MYH4: variants seen among roughly 807,000 people sequenced by gnomAD.
The protein encoded by MYH4 is myosin-4.
In MYH4, 200 loss-of-function variants were observed where a neutral mutation model predicts 229.9. That is an observed-to-expected ratio of 0.87 (90% confidence interval 0.78 to 0.98). The LOEUF (loss-of-function observed/expected upper bound fraction) is 0.98. Ranked by LOEUF, MYH4 falls within the 50% of genes least tolerant of loss-of-function variation. The probability of loss-of-function intolerance (pLI) is 0.00; values close to 1 mark genes in which losing one functional copy is unlikely to be tolerated. For missense variants in MYH4, 2,148 were observed against 2,332.6 expected, an observed-to-expected ratio of 0.92 and a Z score of 1.63; for synonymous variants, 761 against 834.6, an observed-to-expected ratio of 0.91 and a Z score of 1.52.
At chr17:10,448,209 TA>T in intron 33 of MYH4, 83 bp from the exon 34 acceptor site, 1 of 1,398,538 alleles carries the variant, frequency 7.2e-7, no homozygotes, top group Non-Finnish European at 9.6e-7. Flanking sequence ...AAGAAGGCAT[TA>T]AAAAACCCAT....
intron 30 of MYH4, among the ~76,000 whole-genome samples, chr17:10,449,966 C>T (rs544842605): frequency 1.1e-4 from 17 of 152,038 alleles, no homozygotes; most frequent in South Asian, 2.1e-4. Flanking sequence ...ACTTGTAGTC[C>T]GCAAACAGTA....
rs773154000 is a variant in MYH4 at position 10,444,887 on chromosome 17, C to G, written c.5479G>C (p.Glu1827Gln). The change falls in exon 38 of 40, where the codon GAA (glutamate) becomes CAA (glutamine). Residue 1827 changes from glutamate (E) to glutamine (Q), a missense_variant. By Grantham distance (29) the Glu-to-Gln change is conservative. Transcript: ENST00000255381. Reference protein sequence around the residue: ...QKLEARVRELESEVESEQKHN... With the variant: ...QKLEARVRELQSEVESEQKHN... ...TTCTGTTCACTTTCCACCTCACTTT[C>G]AAGCTCTCTCACCTGGAAGGGAACA... 1 of 1,614,140 alleles carries G rather than the reference C, an allele frequency of 6.2e-7. No homozygotes were observed. Among genetic ancestry groups the G allele is most frequent in the Non-Finnish European group, 8.5e-7 (1 of 1,180,024 alleles).
At chr17:10,445,186 G>T in intron 36 of MYH4, 40 bp from the exon 37 acceptor site, 1 of 1,614,168 alleles carries the variant, frequency 6.2e-7, no homozygotes, top group Non-Finnish European at 8.5e-7. Context: ...GAATTCTGAT[G>T]ATAGCAGGCA....
chr17:10,452,763 A>G (rs756073563), intron 25 of MYH4, 24 bp downstream of exon 25: 1 of 1,584,864 alleles, frequency 6.3e-7, no homozygotes, highest in South Asian at 1.2e-5. Flanking sequence ...CAAGCAGGTT[A>G]TAGCTGAATT....
At chr17:10,446,418 T>C (rs920096172) in intron 35 of MYH4, among the ~76,000 whole-genome samples, 10 of 152,192 alleles carry the variant, frequency 6.6e-5, no homozygotes, top group African/African-American at 2.4e-4. Context: ...GCCTATATTA[T>C]TTTTAAGTTG....
At chr17:10,456,363 C>T (rs1358758628) in intron 17 of MYH4, 122 bp downstream of exon 17, 1 of 793,902 alleles carries the variant, frequency 1.3e-6, no homozygotes, top group African/African-American at 1.7e-5. Context: ...TAGTAGTATA[C>T]TAAAAAGTAT....
In MYH4 at chr17:10,463,647, A is replaced by G; in HGVS notation, c.649-4T>C. 1.3e-6 allele frequency: 2 copies of G among 1,590,144 alleles called. No individual in the cohort carries two copies. The highest frequency in any genetic ancestry group is 1.7e-6 in the Non-Finnish European group (2 of 1,169,424). On this transcript the variant is annotated splice_region_variant and splice_polypyrimidine_tract_variant and intron_variant, in intron 7 of 39. Coordinates refer to ENST00000255381, the MANE Select transcript of MYH4 (RefSeq NM_017533.2). ...TGATTTGATCTTCAAGGGTCCCCTT[A>G]AGAGAAATGAATAAGACAGACAAAG...
At chr17:10,465,167 G>A (rs913132080) in intron 5 of MYH4, among the ~76,000 whole-genome samples, 5 of 152,118 alleles carry the variant, frequency 3.3e-5, no homozygotes, top group Non-Finnish European at 5.9e-5. Context: ...TAATTTTGAG[G>A]TGGAACTAGC....
chr17:10,448,215 A>C (rs2072533015), intron 33 of MYH4, 89 bp from the exon 34 acceptor site: 1 of 1,378,342 alleles, frequency 7.3e-7, no homozygotes, highest in Non-Finnish European at 9.7e-7. Context: ...GCATTAAAAA[A>C]CCCATAAACT....
intron 2 of MYH4, among the ~76,000 whole-genome samples, chr17:10,467,284 C>G (rs1169446170): frequency 6.6e-6 from 1 of 152,124 alleles, no homozygotes; most frequent in Non-Finnish European, 1.5e-5. Flanking sequence ...AATTGGATGT[C>G]AGATTTACTA....
rs755051377 is a variant in MYH4 at position 10,464,524 on chromosome 17, A to G, written c.596T>C (p.Ile199Thr). ...TTTTTTCTTCTCTCCAGTAACTGCA[A>G]TTGTTGCAAAGTACTGGATGACACG... is the stretch of plus-strand genomic sequence containing the variant. ...TKRVIQYFAT[I>T]AVTGEKKKEE... The change falls in exon 7 of 40, where the codon ATT becomes ACT. Residue 199 changes from isoleucine (I) to threonine (T), a missense_variant. Physicochemically the swap from Ile to Thr is moderately conservative, Grantham distance 89. Transcript: ENST00000255381. The G allele has an allele frequency of 3.7e-6, 6 of 1,613,992 alleles. No homozygotes were observed. Among genetic ancestry groups the G allele is most frequent in the South Asian group, 3.3e-5 (3 of 91,078 alleles).
In MYH4 at chr17:10,460,943, C is replaced by A; in HGVS notation, c.1120G>T (p.Glu374Ter). ...TCCGTGCCATCTGGCTCTGCCTGCT[C>A]TTCCCTTTGCTTTTGCTTGAATTTC... ...NMKFKQKQREEQAEPDGTEVA... is the reference protein window; with the variant it reads ...NMKFKQKQRE The change falls in exon 12 of 40, where the codon GAG (glutamate) becomes TAG (stop). Residue 374 changes from glutamate to a stop codon, truncating the protein, a stop_gained. Coordinates refer to ENST00000255381, the MANE Select transcript of MYH4 (RefSeq NM_017533.2). LOFTEE classifies it high-confidence loss of function. 1 of 1,614,102 alleles carries A rather than the reference C, an allele frequency of 6.2e-7. No individual in the cohort carries two copies. The highest frequency in any genetic ancestry group is 8.5e-7 in the Non-Finnish European group (1 of 1,180,018).
Position 10,457,460 on chromosome 17 carries a change from A to T in MYH4, c.1857T>A (p.Thr619=). 6.2e-7 allele frequency: 1 copy of T among 1,612,548 alleles called. No individual in the cohort carries two copies. Among genetic ancestry groups the T allele is most frequent in the South Asian group, 1.1e-5 (1 of 90,982 alleles). The change falls in exon 16 of 40, where the codon ACT becomes ACA. Residue 619 remains threonine, a synonymous_variant. Transcript: ENST00000255381. ...VGLYQKSAMK[T]LAFLFSGAQT... is the part of the protein sequence containing the mutation. ...GTGCCCCAGAGAAGAGGAAAGCCAGAGTCTTCATTGCAGACTTCTGGTACA... is the reference window on the plus strand; with the variant it reads ...GTGCCCCAGAGAAGAGGAAAGCCAGTGTCTTCATTGCAGACTTCTGGTACA...
Position 10,463,118 on chromosome 17 carries a change from G to T in MYH4, c.876C>A (p.Ile292=), listed in dbSNP as rs372714776. The T allele has an allele frequency of 1.1e-5, 18 of 1,613,244 alleles. No individual in the cohort carries two copies. The highest frequency in any genetic ancestry group is 1.5e-5 in the Non-Finnish European group (18 of 1,179,580). Residue 292 remains isoleucine, a synonymous_variant, in exon 10 of 40, where the codon ATC becomes ATA. Coordinates refer to ENST00000255381, the MANE Select transcript of MYH4 (RefSeq NM_017533.2). The part of the protein sequence containing the change: ...AERSYHIFYQ[I]LSNKKPELIE... ...TGAGCTCTGGTTTCTTATTGGACAGGATTTGATAAAATATGTGGTAGCTTC... is the reference window on the plus strand; with the variant it reads ...TGAGCTCTGGTTTCTTATTGGACAGTATTTGATAAAATATGTGGTAGCTTC...
Position 10,444,972 on chromosome 17 carries a change from C to T in MYH4, c.5466+4G>A. 1 of 1,614,096 alleles carries T rather than the reference C, an allele frequency of 6.2e-7. No homozygotes were observed. Among genetic ancestry groups the T allele is most frequent in the Non-Finnish European group, 8.5e-7 (1 of 1,180,018 alleles). On this transcript the variant is annotated splice_donor_region_variant and intron_variant, in intron 37 of 39. Coordinates refer to ENST00000255381, the MANE Select transcript of MYH4 (RefSeq NM_017533.2). ...AGGAATTGAGTGAAGTTGTGGAGAC[C>T]TACCCTGGCCTCCAGTTTCTGGATC...
In MYH4 at chr17:10,454,805, GA is replaced by G. The variant is rs764968305; in HGVS notation, c.2440del (p.Ser814ProfsTer13). 4 of 1,613,372 alleles carry G rather than the reference GA, an allele frequency of 2.5e-6. No individual in the cohort carries two copies. In the African/African-American group the frequency reaches 5.3e-5, roughly 22 times the overall value. ...EFRKMMERRE[S>X]IFCIQYNIRA... ...GATGTTGTACTGAATGCAGAAGATG[GA>G]CTCTCTGTAGGAAAAGAAAAAAAGA... On this transcript the variant is annotated frameshift_variant, in exon 22 of 40. Transcript: ENST00000255381. LOFTEE classifies it high-confidence loss of function.
At chr17:10,451,894 T>C (rs1400188686) in intron 27 of MYH4, 47 bp downstream of exon 27, 1 of 1,547,966 alleles carries the variant, frequency 6.5e-7, no homozygotes, top group East Asian at 2.3e-5. Context: ...CTTGGTCATT[T>C]TGAATTGTTG....
intron 12 of MYH4, among the ~76,000 whole-genome samples, chr17:10,460,707 T>C (rs1567705148): frequency 6.6e-6 from 1 of 152,258 alleles, no homozygotes; most frequent in Non-Finnish European, 1.5e-5. Flanking sequence ...ATAGCAAATA[T>C]GAGCTTATGA....
Position 10,450,837 on chromosome 17 carries a change from G to A in MYH4, c.3924C>T (p.Gly1308=). 1.2e-6 allele frequency: 2 copies of A among 1,614,048 alleles called. No individual in the cohort carries two copies. Among genetic ancestry groups the A allele is most frequent in the Non-Finnish European group, 1.7e-6 (2 of 1,179,992 alleles). The change falls in exon 29 of 40, where the codon GGC becomes GGT. Residue 1308 remains glycine, a synonymous_variant. Coordinates refer to ENST00000255381, the MANE Select transcript of MYH4 (RefSeq NM_017533.2). ...CAATCTGTTGTGTAAATGCTTGTTT[G>A]CCTCGGGATAGCTGAGAAACCATAG... is the stretch of plus-strand genomic sequence containing the variant. ...KDAMVSQLSR[G]KQAFTQQIEE... is the part of the protein sequence containing the mutation.
Sources: allele counts gnomAD v4.1 joint callset (sites outside exome capture counted in the v4.1 genomes callset), GRCh38; gene constraint gnomAD v4.1.1; transcripts MANE v1.5; gene names NCBI Gene and HGNC (gene_info 2026-07-23, HGNC 2026-07-21).